The following CTNNA2 variants were observed in gnomAD, a reference collection of about 807,000 sequenced individuals.
CTNNA2 encodes catenin alpha 2.
CTNNA2 carries 42 observed loss-of-function variants against 101.0 expected under a neutral mutation model. The ratio of observed to expected loss-of-function variants is 0.42; its 90% CI spans 0.32 to 0.54. CTNNA2 has a LOEUF of 0.54. Ranked by LOEUF, CTNNA2 falls within the 20% of genes least tolerant of loss-of-function variation. CTNNA2 has a pLI of 0.14. For missense variants in CTNNA2, 871 were observed against 1,223.1 expected, an observed-to-expected ratio of 0.71 and a Z score of 4.29; for synonymous variants, 450 against 456.4, an observed-to-expected ratio of 0.99 and a Z score of 0.18.
At chr2:80,562,275 C>T (rs1352681970) in intron 12 of CTNNA2, among the ~76,000 whole-genome samples, 1 of 152,110 alleles carries the variant, frequency 6.6e-6, no homozygotes, top group Non-Finnish European at 1.5e-5. Flanking sequence ...TCAGCTCTCT[C>T]AGCATAAGAG....
chr2:80,206,586 G>GATACATAC (rs1390099188), intron 7 of CTNNA2, among the ~76,000 whole-genome samples: 1 of 152,166 alleles, frequency 6.6e-6, no homozygotes, highest in Non-Finnish European at 1.5e-5. Flanking sequence ...TCTACATATA[G>GATACATAC]TGCGGGCAGG....
chr2:80,305,900 T>C (rs192931431), intron 7 of CTNNA2, among the ~76,000 whole-genome samples: 1 of 152,314 alleles, frequency 6.6e-6, no homozygotes, highest in Non-Finnish European at 1.5e-5. Context: ...CCAGCTCCAC[T>C]GTTTGAATTC....
intron 7 of CTNNA2, among the ~76,000 whole-genome samples, chr2:80,310,564 A>C (rs1677470633): frequency 6.6e-6 from 1 of 152,180 alleles, no homozygotes; most frequent in Admixed American, 6.6e-5. Context: ...AGCAGGGACA[A>C]GTGAGGGGAG....
intron 8 of CTNNA2, among the ~76,000 whole-genome samples, chr2:80,418,252 T>C (rs1050433205): frequency 7.9e-5 from 12 of 152,184 alleles, no homozygotes; most frequent in African/African-American, 2.2e-4. Context: ...GCTTCTTCAT[T>C]TGAAGAACTA....
At chr2:79,429,182 C>A (rs1320689595) in intron 4 of CTNNA2, among the ~76,000 whole-genome samples, 1 of 151,960 alleles carries the variant, frequency 6.6e-6, no homozygotes, top group Non-Finnish European at 1.5e-5. Flanking sequence ...ATTGTGTACA[C>A]AATTAAAACA....
intron 7 of CTNNA2, among the ~76,000 whole-genome samples, chr2:80,231,454 A>G (rs1399778249): frequency 6.6e-6 from 1 of 152,220 alleles, no homozygotes; most frequent in African/African-American, 2.4e-5. Context: ...TCTACTGTCC[A>G]GTGTAAACCA....
At chr2:79,586,860 A>T (rs1676528089) in intron 1 of CTNNA2, among the ~76,000 whole-genome samples, 1 of 147,096 alleles carries the variant, frequency 6.8e-6, no homozygotes, top group African/African-American at 2.5e-5. Context: ...TCATCTTCTC[A>T]TTCTTATGCC....
chr2:79,827,822 G>C (rs1020623941), intron 3 of CTNNA2, among the ~76,000 whole-genome samples: 7 of 152,144 alleles, frequency 4.6e-5, no homozygotes, highest in Non-Finnish European at 2.9e-5. Context: ...CACACTGTCA[G>C]GTAGTCACAT....
intron 7 of CTNNA2, among the ~76,000 whole-genome samples, chr2:80,017,485 T>C (rs1169154918): frequency 6.6e-6 from 1 of 151,798 alleles, no homozygotes; most frequent in Non-Finnish European, 1.5e-5. Context: ...TGTGTGTATA[T>C]ATATGTATAT....
At chr2:80,382,186 G>C (rs1417844401) in intron 7 of CTNNA2, among the ~76,000 whole-genome samples, 1 of 152,274 alleles carries the variant, frequency 6.6e-6, no homozygotes. Context: ...AAGCCAAGTA[G>C]CTAGAATACT....
intron 8 of CTNNA2, among the ~76,000 whole-genome samples, chr2:80,402,847 G>T (rs913627710): frequency 6.7e-6 from 1 of 149,126 alleles, no homozygotes. Context: ...TATTTCACAA[G>T]GCTCCTCTCT....
intron 7 of CTNNA2, among the ~76,000 whole-genome samples, chr2:80,196,325 G>T (rs1347539654): frequency 6.6e-6 from 1 of 152,092 alleles, no homozygotes; most frequent in Non-Finnish European, 1.5e-5. Context: ...GATATTAAAT[G>T]CATTGCCAGC....
rs186700278 is a variant in CTNNA2, at chr2:79,966,451, G to T, written c.1056+56654G>T. On this transcript the variant is annotated intron_variant, in intron 7 of 18. Transcript: ENST00000402739. ...AAGTCTTTCTATGTTGTTTAGCCTGGTCTCAAATGCTTGGGCTCCATTGAT... is the reference window on the plus strand; with the variant it reads ...AAGTCTTTCTATGTTGTTTAGCCTGTTCTCAAATGCTTGGGCTCCATTGAT... 7.2e-5 allele frequency among the ~76,000 whole-genome samples: 11 copies of T among 152,184 alleles called. 1 individual carries two copies. The East Asian group carries it at 2.1e-3, about 30-fold the overall frequency.
At chr2:80,199,811 T>C (rs1707087751) in intron 7 of CTNNA2, among the ~76,000 whole-genome samples, 2 of 152,148 alleles carry the variant, frequency 1.3e-5, no homozygotes, top group South Asian at 2.1e-4. Flanking sequence ...GACAGGTATG[T>C]CATCATAAAG....
intron 2 of CTNNA2, among the ~76,000 whole-genome samples, chr2:79,232,225 T>C (rs1028024857): frequency 6.6e-6 from 1 of 152,198 alleles, no homozygotes; most frequent in Non-Finnish European, 1.5e-5. Flanking sequence ...TTTTGAGGTA[T>C]GTTTCTTCAA....
At chr2:80,043,048 T>C (rs1053363263) in intron 7 of CTNNA2, among the ~76,000 whole-genome samples, 2 of 21,104 alleles carry the variant, frequency 9.5e-5, no homozygotes, top group African/African-American at 4.2e-4. Flanking sequence ...TCCTTCTTTC[T>C]TTCTTTCTTT....
chr2:79,419,280 C>T (rs938014272), intron 4 of CTNNA2, among the ~76,000 whole-genome samples: 5 of 152,126 alleles, frequency 3.3e-5, no homozygotes, highest in Admixed American at 6.6e-5. Context: ...AATTATTTAA[C>T]TCATAAATGA....
intron 1 of CTNNA2, among the ~76,000 whole-genome samples, chr2:79,536,232 C>A (rs1455002345): frequency 1.3e-5 from 2 of 152,140 alleles, no homozygotes; most frequent in Non-Finnish European, 2.9e-5. Context: ...TTGTCAAGAG[C>A]TGAGTTGTGT....
At chr2:80,128,161 G>A (rs1435339386) in intron 7 of CTNNA2, among the ~76,000 whole-genome samples, 2 of 152,114 alleles carry the variant, frequency 1.3e-5, no homozygotes, top group Non-Finnish European at 2.9e-5. Flanking sequence ...ATCAGCCACT[G>A]GCAGAAGTTG....
Sources: gnomAD v4.1 joint callset for allele counts (sites outside exome capture counted in the v4.1 genomes callset) on GRCh38, gnomAD v4.1.1 for gene constraint, MANE v1.5 for transcripts, NCBI Gene and HGNC (gene_info 2026-07-23, HGNC 2026-07-21) for gene names.